MOB3B: variants seen among roughly 807,000 people sequenced by gnomAD.
MOB3B encodes the protein MOB kinase activator 3B, also known as MOB kinase activator-like 2B.
A neutral mutation model predicts 18.7 loss-of-function variants in MOB3B; 7 were observed. That is an observed-to-expected ratio of 0.37 (90% CI 0.21 to 0.70). The LOEUF (loss-of-function observed/expected upper bound fraction) is 0.70. Ranked by LOEUF, MOB3B falls within the 30% of genes least tolerant of loss-of-function variation. MOB3B has a pLI of 0.52. For missense variants in MOB3B, 253 were observed against 281.3 expected (o/e 0.90, Z 0.72); for synonymous variants, 111 against 99.9 (o/e 1.11, Z -0.66).
chr9:27,505,274 C>T (rs1055767493), intron 1 of MOB3B, among the ~76,000 whole-genome samples: 5 of 152,132 alleles, frequency 3.3e-5, no homozygotes, highest in African/African-American at 9.7e-5. Flanking sequence ...CATCTGTGTC[C>T]GTACCTAGAC....
rs1383618794 is a variant in MOB3B at position 27,328,406 on chromosome 9, T to C, written c.*2181A>G. 2.1e-5 allele frequency: 3 copies of C among 145,462 alleles called. No individual in the cohort carries two copies. Among genetic ancestry groups the C allele is most frequent in the Non-Finnish European group, 4.5e-5 (3 of 66,292 alleles). 9.0% of individuals were successfully genotyped at this position (145,462 alleles called of 1,614,324 possible). A position where few individuals can be genotyped will look rare whatever the true frequency, so the allele number is the denominator to read the frequency against. On this transcript the variant is annotated 3_prime_UTR_variant, in exon 4 of 4. Coordinates refer to ENST00000262244, the MANE Select transcript of MOB3B (RefSeq NM_024761.5). ...TCTGTGATTAAAAAAAAAAAAAGGGTAGTTTGCCAGAATTTACCCTAGAAG... is the reference window on the plus strand; with the variant it reads ...TCTGTGATTAAAAAAAAAAAAAGGGCAGTTTGCCAGAATTTACCCTAGAAG...
chr9:27,334,823 T>TTTTTTCTTTTTC (rs56288722), intron 3 of MOB3B, among the ~76,000 whole-genome samples: 20 of 150,990 alleles, frequency 1.3e-4, no homozygotes, highest in South Asian at 6.3e-4. Flanking sequence ...TAATATTCTT[T>TTTTTTCTTTTTC]TTTTTCTTTT....
chr9:27,466,630 A>G (rs1482838400), intron 1 of MOB3B, among the ~76,000 whole-genome samples: 2 of 152,166 alleles, frequency 1.3e-5, no homozygotes, highest in Non-Finnish European at 2.9e-5. Flanking sequence ...AGAGTTCCAC[A>G]TGGTTGGGGA....
chr9:27,347,437 G>A (rs1228475171), intron 3 of MOB3B, among the ~76,000 whole-genome samples: 5 of 152,268 alleles, frequency 3.3e-5, no homozygotes, highest in East Asian at 1.9e-4. Flanking sequence ...TTCCTGGAAC[G>A]TAGCGCCCTG....
intron 3 of MOB3B, among the ~76,000 whole-genome samples, chr9:27,351,059 C>T (rs888303478): frequency 3.3e-5 from 5 of 152,098 alleles, no homozygotes; most frequent in African/African-American, 4.8e-5. Flanking sequence ...CCTGACACCA[C>T]GCCTGGCTAA....
intron 2 of MOB3B, among the ~76,000 whole-genome samples, chr9:27,377,335 A>G (rs1289730262): frequency 2.0e-5 from 3 of 152,176 alleles, no homozygotes; most frequent in East Asian, 3.9e-4. Context: ...ACACAAATAC[A>G]TGAATCTCCC....
At chr9:27,466,817 TG>T (rs1447074622) in intron 1 of MOB3B, among the ~76,000 whole-genome samples, 1 of 152,146 alleles carries the variant, frequency 6.6e-6, no homozygotes, top group East Asian at 1.9e-4. Context: ...TATCTCCCCT[TG>T]GGTCCGTCCT....
At chr9:27,350,730 C>G (rs961331160) in intron 3 of MOB3B, among the ~76,000 whole-genome samples, 13 of 152,158 alleles carry the variant, frequency 8.5e-5, no homozygotes, top group African/African-American at 3.1e-4. Flanking sequence ...TCTGGCAGGC[C>G]CTCCCACTAA....
intron 2 of MOB3B, among the ~76,000 whole-genome samples, chr9:27,417,720 A>G (rs923085088): frequency 3.3e-5 from 5 of 152,204 alleles, no homozygotes; most frequent in Admixed American, 6.5e-5. Context: ...CTTTACATAC[A>G]TGAGCTCATG....
intron 1 of MOB3B, among the ~76,000 whole-genome samples, chr9:27,472,237 G>A (rs1343269846): frequency 1.4e-5 from 2 of 146,704 alleles, no homozygotes; most frequent in Non-Finnish European, 1.5e-5. Flanking sequence ...TTTTTTTAAT[G>A]ACAAGTAAGG....
At chr9:27,426,532 G>GCTA (rs1822335857) in intron 2 of MOB3B, among the ~76,000 whole-genome samples, 1 of 152,188 alleles carries the variant, frequency 6.6e-6, no homozygotes, top group African/African-American at 2.4e-5. Flanking sequence ...GGCACACAAT[G>GCTA]CTACCCCTGC....
In MOB3B at chr9:27,472,856, G is replaced by A. The variant is rs563876500; in HGVS notation, c.-198-17108C>T. The stretch of plus-strand genomic sequence containing the variant: ...CAACAAAAAAATTGAAAGGCTTAAC[G>A]TAGGTGAAAACTGAAAAATACAGAG... On this transcript the variant is annotated intron_variant, in intron 1 of 3. Transcript: ENST00000262244. Among the ~76,000 whole-genome samples the A allele has an allele frequency of 5.9e-5, 9 of 152,238 alleles. No homozygotes were observed. The South Asian group carries it at 6.2e-4, about 11-fold the overall frequency.
intron 1 of MOB3B, among the ~76,000 whole-genome samples, chr9:27,528,882 A>G (rs1289644525): frequency 6.6e-6 from 1 of 152,152 alleles, no homozygotes; most frequent in African/African-American, 2.4e-5. Context: ...AGGGGCAATC[A>G]AAGAAAACTT....
chr9:27,356,471 T>G (rs1821191808), intron 3 of MOB3B, among the ~76,000 whole-genome samples: 1 of 152,226 alleles, frequency 6.6e-6, no homozygotes, highest in Non-Finnish European at 1.5e-5. Flanking sequence ...TTTCTTCAAT[T>G]ATAGAAAATA....
At chr9:27,392,068 A>G (rs1343902187) in intron 2 of MOB3B, among the ~76,000 whole-genome samples, 1 of 152,170 alleles carries the variant, frequency 6.6e-6, no homozygotes. Context: ...ATCCCCATAT[A>G]AGCAGCATCA....
chr9:27,419,422 T>A (rs1210554023), intron 2 of MOB3B, among the ~76,000 whole-genome samples: 1 of 152,158 alleles, frequency 6.6e-6, no homozygotes, highest in East Asian at 1.9e-4. Flanking sequence ...AAGGGCATAG[T>A]CACCAAAACA....
chr9:27,521,999 T>C (rs574159180), intron 1 of MOB3B, among the ~76,000 whole-genome samples: 9 of 151,992 alleles, frequency 5.9e-5, no homozygotes, highest in African/African-American at 1.7e-4. Flanking sequence ...TCCCAGCACT[T>C]TGGGAGGCCG....
At chr9:27,336,633 T>G (rs1820867638) in intron 3 of MOB3B, among the ~76,000 whole-genome samples, 1 of 152,076 alleles carries the variant, frequency 6.6e-6, no homozygotes. Context: ...TACGCCTCTC[T>G]CAGGGCCACA....
chr9:27,375,544 A>T (rs1055813827), intron 2 of MOB3B, among the ~76,000 whole-genome samples: 2 of 152,178 alleles, frequency 1.3e-5, no homozygotes, highest in African/African-American at 2.4e-5. Flanking sequence ...GGTGCATTTG[A>T]TCTATGATAC....
Sources: allele counts gnomAD v4.1 joint callset (sites outside exome capture counted in the v4.1 genomes callset), GRCh38; gene constraint gnomAD v4.1.1; transcripts MANE v1.5; gene names NCBI Gene and HGNC (gene_info 2026-07-23, HGNC 2026-07-21).